The following LAT2 variants were observed in gnomAD, a reference collection of about 807,000 sequenced individuals.
The protein encoded by LAT2 is linker for activation of T-cells family member 2.
A neutral mutation model predicts 43.4 loss-of-function variants in LAT2; 23 were observed. The ratio of observed to expected loss-of-function variants is 0.53; its 90% CI spans 0.38 to 0.75. The LOEUF (loss-of-function observed/expected upper bound fraction) is 0.75. Among genes scored for constraint, LAT2 ranks in the 30% least tolerant of loss-of-function variants. LAT2 has a pLI of 0.00. For missense variants in LAT2, 284 were observed against 310.2 expected, an observed-to-expected ratio of 0.92 and a Z score of 0.64; for synonymous variants, 128 against 123.2, an observed-to-expected ratio of 1.04 and a Z score of -0.26.
intron 2 of LAT2, 108 bp from the exon 3 acceptor site, chr7:74,215,839 G>C (rs1802018190): frequency 2.6e-6 from 2 of 764,352 alleles, no homozygotes; most frequent in African/African-American, 1.7e-5. Context: ...AGGGGAGGTG[G>C]TGTTTCCGCA....
chr7:74,216,005 C>G lies in LAT2; in HGVS notation c.30C>G (p.Pro10=). Residue 10 remains proline, a synonymous_variant, in exon 3 of 14, where the codon CCC becomes CCG. Transcript: ENST00000460943. Reference sequence around the variant, plus strand: ...GCTCGGGGACTGAACTGCTGTGGCCCGGAGCAGCGCTGCTGGTGCTGTTGG... The same window carrying G: ...GCTCGGGGACTGAACTGCTGTGGCCGGGAGCAGCGCTGCTGGTGCTGTTGG... MSSGTELLW[P]GAALLVLLGV... 2 of 1,613,910 alleles carry G rather than the reference C, an allele frequency of 1.2e-6. No homozygotes were observed. The highest frequency in any genetic ancestry group is 1.7e-6 in the Non-Finnish European group (2 of 1,179,978).
At chr7:74,213,716 C>T (rs1020002316) in intron 1 of LAT2, among the ~76,000 whole-genome samples, 1 of 152,164 alleles carries the variant, frequency 6.6e-6, no homozygotes, top group African/African-American at 2.4e-5. Flanking sequence ...AGCCACCACG[C>T]CCTGCTGGAG....
rs1325841376 is a variant in LAT2 at position 74,220,507 on chromosome 7, GC to G, written c.266-75del. The G allele has an allele frequency of 5.3e-5, 84 of 1,581,960 alleles. No individual in the cohort carries two copies. The African/African-American group carries it at 9.6e-4, about 18-fold the overall frequency. ...TCAGACACGGGAAATAGCTGGCCCT[GC>G]CTTGGGCTGCAGCACCCGAGCTGGG... On this transcript the variant is annotated intron_variant, in intron 7 of 13. Transcript: ENST00000460943. The surrounding 1 kb of genome is among the most constrained non-coding windows in gnomAD (Gnocchi z 4.5).
chr7:74,216,166 G>A (rs1157684482), intron 3 of LAT2, 97 bp downstream of exon 3: 2 of 1,026,748 alleles, frequency 1.9e-6, no homozygotes, highest in Non-Finnish European at 2.8e-6. Flanking sequence ...CAGAAGAGGT[G>A]GTCAGATGAA....
intron 13 of LAT2, chr7:74,225,444 T>G (rs1802451833): frequency 6.6e-6 from 1 of 152,272 alleles, no homozygotes; most frequent in East Asian, 1.9e-4. Context: ...CAGCAGGCAC[T>G]CGGTCAATGC....
chr7:74,216,052 T>C lies in LAT2; in HGVS notation c.77T>C (p.Val26Ala), dbSNP rs782442231. 8.1e-6 allele frequency: 13 copies of C among 1,612,420 alleles called. No homozygotes were observed. In the South Asian group the frequency reaches 8.8e-5, roughly 11 times the overall value. The change falls in exon 3 of 14, where the codon GTG becomes GCG. Residue 26 changes from valine (V) to alanine (A), a missense_variant. By Grantham distance (64) the Val-to-Ala change is moderately conservative. Coordinates refer to ENST00000460943, the MANE Select transcript of LAT2 (RefSeq NM_032464.3). ...VLLGVAASLC[V>A]RCSRPGAKRS... ...TTGGGGGTGGCAGCCAGTCTGTGTGTGCGCTGCTCACGCCCAGGTAAGCGG... is the reference window on the plus strand; with the variant it reads ...TTGGGGGTGGCAGCCAGTCTGTGTGCGCGCTGCTCACGCCCAGGTAAGCGG...
intron 4 of LAT2, among the ~76,000 whole-genome samples, chr7:74,217,491 C>T (rs1802087765): frequency 6.6e-6 from 1 of 152,122 alleles, no homozygotes; most frequent in African/African-American, 2.4e-5. Flanking sequence ...GTGTCCTCAG[C>T]CTCCCTTTGA....
intron 4 of LAT2, among the ~76,000 whole-genome samples, chr7:74,219,423 C>T (rs1217282304): frequency 1.3e-5 from 2 of 152,204 alleles, no homozygotes; most frequent in East Asian, 1.9e-4. Flanking sequence ...CCCCTCCTGA[C>T]CCGTCTCCAG....
chr7:74,223,658 G>C, intron 10 of LAT2, 66 bp from the exon 11 acceptor site: 1 of 1,447,948 alleles, frequency 6.9e-7, no homozygotes, highest in African/African-American at 1.4e-5. Flanking sequence ...AGGACAGAGC[G>C]GGAGGATGAG....
chr7:74,216,144 C>T (rs1334392921), intron 3 of LAT2, 75 bp downstream of exon 3: 3 of 1,288,276 alleles, frequency 2.3e-6, no homozygotes, highest in Admixed American at 4.3e-5. Flanking sequence ...CAGGCCCAGA[C>T]GTGGCTGTGG....
chr7:74,221,026 CCAGT>C lies in LAT2; in HGVS notation c.332+295_332+298del, dbSNP rs1227824414. ...GGGATAGAGACTCATTCAGCATCAC[CCAGT>C]CAAAGACAAGCTACAGGACACCCAG... On this transcript the variant is annotated intron_variant, in intron 9 of 13. Transcript: ENST00000460943. 6.2e-4 allele frequency among the ~76,000 whole-genome samples: 95 copies of C among 152,150 alleles called. 1 individual carries two copies. Among genetic ancestry groups the C allele is most frequent in the Non-Finnish European group, 8.8e-5 (6 of 68,006 alleles).
At chr7:74,211,672 T>G (rs1238201808) in intron 1 of LAT2, among the ~76,000 whole-genome samples, 3 of 152,068 alleles carry the variant, frequency 2.0e-5, no homozygotes, top group African/African-American at 7.2e-5. Context: ...TTAGCCAGGA[T>G]GGTCTCAATC....
intron 10 of LAT2, among the ~76,000 whole-genome samples, chr7:74,223,084 G>A (rs565080284): frequency 2.8e-4 from 42 of 152,302 alleles, no homozygotes; most frequent in East Asian, 1.2e-3. Flanking sequence ...TCTAGGGAGA[G>A]CTCCTGATTA....
chr7:74,221,799 G>T, intron 10 of LAT2, 107 bp downstream of exon 10: 2 of 959,736 alleles, frequency 2.1e-6, no homozygotes, highest in East Asian at 2.6e-5. Context: ...CGGGTAAATC[G>T]GCAGAGCCGG....
rs1228293311 is a variant in LAT2 at position 74,214,789 on chromosome 7, A to AT, written c.-218-32dup. On this transcript the variant is annotated intron_variant, in intron 1 of 13. Coordinates refer to ENST00000460943, the MANE Select transcript of LAT2 (RefSeq NM_032464.3). Reference sequence around the variant, plus strand: ...CATATATATATAAATATATATATATATATTTTTTTTTTTTTTTGTATTTTT... The same window carrying AT: ...CATATATATATAAATATATATATATATTATTTTTTTTTTTTTTTGTATTTTT... The AT allele has an allele frequency of 2.9e-4, 26 of 89,422 alleles. No individual in the cohort carries two copies. The East Asian group carries it at 4.1e-3, about 14-fold the overall frequency. The allele number at this position is 89,422 out of a possible 1,614,324, so 5.5% of individuals were successfully genotyped here.
intron 3 of LAT2, among the ~76,000 whole-genome samples, chr7:74,216,527 A>G (rs539539524): frequency 4.8e-4 from 73 of 152,198 alleles, no homozygotes; most frequent in African/African-American, 1.7e-3. Context: ...GCCTGCCACC[A>G]TGCCTGGCTA....
intron 10 of LAT2, among the ~76,000 whole-genome samples, chr7:74,222,809 AG>A (rs1444621296): frequency 6.6e-6 from 1 of 152,098 alleles, no homozygotes; most frequent in Non-Finnish European, 1.5e-5. Context: ...TCCTGACCTC[AG>A]GTGATCCGCC....
chr7:74,224,356 A>C (rs1802405843), intron 12 of LAT2, among the ~76,000 whole-genome samples, 159 bp downstream of exon 12: 1 of 152,178 alleles, frequency 6.6e-6, no homozygotes, highest in African/African-American at 2.4e-5. Context: ...TGAACCACAC[A>C]GGACGGCCCT....
At chr7:74,216,744 A>C in intron 3 of LAT2, 81 bp from the exon 4 acceptor site, 7 of 1,209,480 alleles carry the variant, frequency 5.8e-6, no homozygotes, top group Non-Finnish European at 8.5e-6. Flanking sequence ...GTCCTGCTGG[A>C]GACAAGACAT....
Sources: gnomAD v4.1 joint callset for allele counts (sites outside exome capture counted in the v4.1 genomes callset) on GRCh38, gnomAD v4.1.1 for gene constraint, Gnocchi (gnomAD v3.1) non-coding constraint, MANE v1.5 for transcripts, NCBI Gene and HGNC (gene_info 2026-07-23, HGNC 2026-07-21) for gene names.